The following GDA variants were observed in gnomAD, a reference collection of about 807,000 sequenced individuals.
GDA encodes the protein cytoplasmic PSD-95 interactor.
GDA carries 18 observed loss-of-function variants against 59.6 expected under a neutral mutation model. That is an observed-to-expected ratio of 0.30 (90% CI 0.21 to 0.45). The LOEUF is 0.45. Ranked by LOEUF, GDA falls within the 20% of genes least tolerant of loss-of-function variation. The pLI, the probability that GDA is intolerant of heterozygous loss-of-function variation, is 1.00. For missense variants in GDA, 427 were observed against 552.3 expected (o/e 0.77, Z 2.27); for synonymous variants, 201 against 201.1 (o/e 1.00, Z 0.00).
intron 1 of GDA, among the ~76,000 whole-genome samples, chr9:72,194,677 A>G (rs966352836): frequency 6.6e-6 from 1 of 152,026 alleles, no homozygotes; most frequent in Admixed American, 6.6e-5. Context: ...CTCTGGGCCC[A>G]GTTCAGCACT....
chr9:72,123,178 T>C (rs953861302), intron 1 of GDA, among the ~76,000 whole-genome samples: 1 of 134,832 alleles, frequency 7.4e-6, no homozygotes, highest in African/African-American at 2.7e-5. Flanking sequence ...GTTTTCTTTT[T>C]TCTTCCCTTT....
chr9:72,223,150 C>T lies in GDA; in HGVS notation c.637C>T (p.Arg213Cys), dbSNP rs145088768. ...YSRVKPIVTP[R>C]FSLSCSETLM... ...TAGAGTGAAGCCCATAGTGACACCA[C>T]GTTTTTCCCTCTCCTGCTCTGAGAC... The change falls in exon 7 of 14, where the codon CGT (arginine) becomes TGT (cysteine). Residue 213 changes from arginine to cysteine, a missense_variant. Coordinates refer to ENST00000358399, the MANE Select transcript of GDA (RefSeq NM_004293.5). 167 of 1,609,544 alleles carry T rather than the reference C, an allele frequency of 1.0e-4. No individual in the cohort carries two copies. The highest frequency in any genetic ancestry group is 1.3e-4 in the Non-Finnish European group (155 of 1,175,892).
At chr9:72,211,749 G>C (rs922375666) in intron 4 of GDA, among the ~76,000 whole-genome samples, 3 of 152,312 alleles carry the variant, frequency 2.0e-5, no homozygotes, top group African/African-American at 7.2e-5. Flanking sequence ...ATGGGAACAG[G>C]AGTGTCAATA....
intron 1 of GDA, among the ~76,000 whole-genome samples, chr9:72,178,951 G>T (rs897777076): frequency 6.6e-6 from 1 of 152,074 alleles, no homozygotes; most frequent in African/African-American, 2.4e-5. Context: ...AAGCTGGATT[G>T]TGCTATCTAG....
chr9:72,256,480 A>G (rs571358576), downstream of GDA, among the ~76,000 whole-genome samples: 2 of 152,352 alleles, frequency 1.3e-5, no homozygotes, highest in African/African-American at 4.8e-5. Flanking sequence ...TGTTGGGTAC[A>G]TAGTCCGCAG....
chr9:72,231,093 T>G, intron 9 of GDA, 21 bp from the exon 10 acceptor site: 1 of 1,436,714 alleles, frequency 7.0e-7, no homozygotes, highest in Non-Finnish European at 9.8e-7. Context: ...CTCCTTGTTC[T>G]GACATCTCCT....
chr9:72,215,915 A>G (rs898108392), intron 5 of GDA, among the ~76,000 whole-genome samples: 2 of 152,238 alleles, frequency 1.3e-5, no homozygotes, highest in Non-Finnish European at 2.9e-5. Flanking sequence ...ATAGAAGACA[A>G]ATGCAGAGCA....
chr9:72,162,251 G>A (rs1828721618), intron 1 of GDA, among the ~76,000 whole-genome samples: 1 of 152,134 alleles, frequency 6.6e-6, no homozygotes, highest in South Asian at 2.1e-4. Context: ...GGGATAAAAT[G>A]GTAAGCAAAA....
intron 1 of GDA, among the ~76,000 whole-genome samples, chr9:72,159,768 G>A (rs1391525209): frequency 6.6e-6 from 1 of 152,174 alleles, no homozygotes; most frequent in Non-Finnish European, 1.5e-5. Context: ...ATTGGGAATG[G>A]AGATTTGGAG....
chr9:72,118,842 A>G (rs1825561266), intron 1 of GDA, among the ~76,000 whole-genome samples: 1 of 152,194 alleles, frequency 6.6e-6, no homozygotes, highest in Non-Finnish European at 1.5e-5. Context: ...ACATTGCATG[A>G]CAAAGGATTG....
chr9:72,158,074 T>C (rs1828138918), intron 1 of GDA, among the ~76,000 whole-genome samples: 1 of 152,182 alleles, frequency 6.6e-6, no homozygotes, highest in Non-Finnish European at 1.5e-5. Context: ...CCAGCTCTGA[T>C]CTTCTCTTTT....
At position 72,133,308 on chromosome 9, in the gene GDA, A is replaced by AAT. The variant is rs1554722434; in HGVS notation, c.-100+18476_-100+18477insTA. 5.6e-3 allele frequency among the ~76,000 whole-genome samples: 572 copies of AAT among 101,456 alleles called. 7 individuals carry two copies. Among genetic ancestry groups the AAT allele is most frequent in the African/African-American group, 0.016 (505 of 32,404 alleles). The allele number at this position is 101,456 out of a possible 152,430, so 66.6% of individuals were successfully genotyped here. A position where few individuals can be genotyped will look rare whatever the true frequency, so the allele number is the denominator to read the frequency against. On this transcript the variant is annotated intron_variant, in intron 1 of 13. Coordinates refer to the GDA transcript ENST00000545168. The stretch of plus-strand genomic sequence containing the variant: ...TGTCTAAAAAAAAAAAAAAAAAAAA[A>AAT]AATAATAATAATAATAATAATAATT...
chr9:72,224,392 A>G (rs956099378), intron 7 of GDA, among the ~76,000 whole-genome samples: 1 of 152,196 alleles, frequency 6.6e-6, no homozygotes, highest in African/African-American at 2.4e-5. Context: ...TTTTCAGAAC[A>G]TTGCTATTTT....
Position 72,223,129 on chromosome 9 carries a change from G to C in GDA, c.616G>C (p.Val206Leu). The C allele has an allele frequency of 6.4e-7, 1 of 1,569,074 alleles. No individual in the cohort carries two copies. Among genetic ancestry groups the C allele is most frequent in the East Asian group, 2.2e-5 (1 of 44,636 alleles). ...SEMLQKNYSRVKPIVTPRFSL... is the reference protein window; with the variant it reads ...SEMLQKNYSRLKPIVTPRFSL... ...TTTTAATTATCTCCAGTATTCTAGA[G>C]TGAAGCCCATAGTGACACCACGTTT... Residue 206 changes from valine (V) to leucine (L), a missense_variant, in exon 7 of 14, where the codon GTG becomes CTG. Physicochemically the swap from Val to Leu is conservative, Grantham distance 32. Transcript: ENST00000358399.
intron 10 of GDA, among the ~76,000 whole-genome samples, chr9:72,238,000 C>T (rs1422469892): frequency 6.6e-6 from 1 of 152,036 alleles, no homozygotes; most frequent in Non-Finnish European, 1.5e-5. Flanking sequence ...AAAAGAATCA[C>T]AATGAAAATC....
chr9:72,235,303 G>A (rs538781214), intron 10 of GDA, among the ~76,000 whole-genome samples: 2 of 152,212 alleles, frequency 1.3e-5, no homozygotes, highest in East Asian at 3.9e-4. Context: ...CTGAGTGTTA[G>A]GTCCTTGAGT....
chr9:72,189,713 T>C (rs1329515745), intron 1 of GDA, among the ~76,000 whole-genome samples: 3 of 152,098 alleles, frequency 2.0e-5, no homozygotes, highest in Non-Finnish European at 4.4e-5. Context: ...TGGTGGCACA[T>C]ACCTGTGGTC....
chr9:72,208,072 G>T (rs115835154), intron 3 of GDA, among the ~76,000 whole-genome samples: 205 of 152,080 alleles, frequency 1.3e-3, no homozygotes, highest in African/African-American at 4.7e-3. Context: ...TGGCACCTCT[G>T]CACTCCAGAG....
intron 1 of GDA, among the ~76,000 whole-genome samples, chr9:72,134,490 C>A (rs549082985): frequency 6.6e-5 from 10 of 150,852 alleles, no homozygotes; most frequent in African/African-American, 2.2e-4. Context: ...CAACCTCTGC[C>A]TCCTGGGTTC....
Sources: gnomAD v4.1 joint callset for allele counts (sites outside exome capture counted in the v4.1 genomes callset) on GRCh38, gnomAD v4.1.1 for gene constraint, MANE v1.5 for transcripts, NCBI Gene and HGNC (gene_info 2026-07-23, HGNC 2026-07-21) for gene names.